Variants in KAT6A observed in about 807,000 individuals in gnomAD.
The protein encoded by KAT6A is lysine acetyltransferase 6A, also known as histone acetyltransferase KAT6A.
A neutral mutation model predicts 198.4 loss-of-function variants in KAT6A; 9 were observed. The observed-to-expected ratio is 0.05, with a 90% CI of 0.03 to 0.08. The LOEUF is 0.08. Among genes scored for constraint, KAT6A ranks in the 10% least tolerant of loss-of-function variants. KAT6A has a pLI of 1.00. For missense variants in KAT6A, 2,077 were observed against 2,509.9 expected (o/e 0.83, Z 3.69); for synonymous variants, 890 against 883.0 (o/e 1.01, Z -0.14).
At chr8:42,051,445 G>A (rs1802636337) in intron 1 of KAT6A, among the ~76,000 whole-genome samples, 1 of 149,638 alleles carries the variant, frequency 6.7e-6, no homozygotes, top group East Asian at 2.0e-4. Flanking sequence ...CGAGCGCGGG[G>A]AGAAGCGGCC....
At chr8:41,957,057 G>A in intron 8 of KAT6A, 1 of 594,344 alleles carries the variant, frequency 1.7e-6, no homozygotes, top group South Asian at 1.4e-5. Context: ...ACCTGCTGCG[G>A]CACTGTCTGT....
chr8:41,955,796 A>G (rs1564020855), intron 8 of KAT6A, among the ~76,000 whole-genome samples: 1 of 152,232 alleles, frequency 6.6e-6, no homozygotes, highest in Non-Finnish European at 1.5e-5. Context: ...TATTTGCTGA[A>G]GTCCTACCAC....
chr8:42,051,843 G>A (rs1217476379), intron 1 of KAT6A, 58 bp downstream of exon 1: 1 of 148,688 alleles, frequency 6.7e-6, no homozygotes, highest in African/African-American at 2.4e-5. Context: ...GCCCTGGAGC[G>A]GCTCGGCCTC....
At position 41,941,032 on chromosome 8, in the gene KAT6A, T is replaced by C. The variant is rs925928897; in HGVS notation, c.2849A>G (p.Gln950Arg). The change falls in exon 15 of 17, where the codon CAG becomes CGG. Residue 950 changes from glutamine to arginine, a missense_variant. By Grantham distance (43) the Gln-to-Arg change is conservative (BLOSUM62 1). Coordinates refer to ENST00000265713, the MANE Select transcript of KAT6A (RefSeq NM_006766.5). ...LSEGVEPWRG[Q>R]LKKSPEALKC... ...CAGAGCCTCAGGGCTTTTCTTGAGC[T>C]GTCCTCGCCAGGGCTCAACCCCCTC... 2 of 1,614,196 alleles carry C rather than the reference T, an allele frequency of 1.2e-6. No individual in the cohort carries two copies. Among genetic ancestry groups the C allele is most frequent in the Admixed American group, 3.3e-5 (2 of 60,028 alleles).
intron 2 of KAT6A, among the ~76,000 whole-genome samples, chr8:42,013,070 GTTT>G (rs75768574): frequency 1.4e-5 from 2 of 139,910 alleles, no homozygotes. Flanking sequence ...CAAAAGTCAA[GTTT>G]TTTTTTTTTT....
intron 13 of KAT6A, 29 bp from the exon 14 acceptor site, chr8:41,943,029 C>T: frequency 1.9e-6 from 3 of 1,612,566 alleles, no homozygotes; most frequent in Non-Finnish European, 2.5e-6. Flanking sequence ...TTATAGCAAT[C>T]AACAATGTAC....
chr8:41,949,281 C>A lies in KAT6A; in HGVS notation c.1681G>T (p.Gly561Cys). The stretch of plus-strand genomic sequence containing the variant: ...TCATTGGCAGGAGGATGGAACCAAC[C>A]ACATTTCTTCATGTGCTGCTGCAGA... Reference protein sequence around the residue: ...TILQQHMKKCGWFHPPANEIY... With the variant: ...TILQQHMKKCCWFHPPANEIY... The change falls in exon 10 of 17, where the codon GGT becomes TGT. Residue 561 changes from glycine (G) to cysteine (C), a missense_variant. Gly to Cys is a radical substitution (Grantham distance 159). Around this residue, in one of 13 missense-constraint regions of KAT6A, gnomAD observed 46 missense variants for 88.2 expected, o/e 0.52. Coordinates refer to ENST00000265713, the MANE Select transcript of KAT6A (RefSeq NM_006766.5). The A allele has an allele frequency of 1.3e-6, 2 of 1,573,552 alleles. No individual in the cohort carries two copies. The highest frequency in any genetic ancestry group is 1.7e-6 in the Non-Finnish European group (2 of 1,161,172).
intron 2 of KAT6A, among the ~76,000 whole-genome samples, chr8:41,990,021 A>G (rs1318789641): frequency 6.6e-6 from 1 of 152,148 alleles, no homozygotes; most frequent in African/African-American, 2.4e-5. Flanking sequence ...GTAAGTCAGG[A>G]AAGACTTTAT....
At chr8:41,946,539 C>A in intron 12 of KAT6A, 52 bp downstream of exon 12, 1 of 876,868 alleles carries the variant, frequency 1.1e-6, no homozygotes, top group Non-Finnish European at 1.9e-6. Context: ...CACACACACA[C>A]ACAGAGAAGG....
intron 2 of KAT6A, among the ~76,000 whole-genome samples, chr8:42,006,585 G>A (rs1011515049): frequency 2.6e-5 from 4 of 152,164 alleles, no homozygotes; most frequent in African/African-American, 9.7e-5. Flanking sequence ...CATTTCCTTT[G>A]AGAGTCATGT....
At chr8:42,006,500 T>C (rs1194896607) in intron 2 of KAT6A, among the ~76,000 whole-genome samples, 2 of 152,192 alleles carry the variant, frequency 1.3e-5, no homozygotes, top group African/African-American at 4.8e-5. Context: ...TTTTTGGATT[T>C]TGGAATATTT....
rs147199444 is a variant in KAT6A at position 41,952,438 on chromosome 8, A to C, written c.1598+2858T>G. On this transcript the variant is annotated intron_variant, in intron 9 of 16. Transcript: ENST00000265713. ...TATGTCATGCTCTTAATGGCAGAGT[A>C]GGTTTCGCAATGAACCTACTGATAA... Among the ~76,000 whole-genome samples the C allele has an allele frequency of 6.5e-3, 993 of 152,328 alleles. 6 individuals carry two copies. Among genetic ancestry groups the C allele is most frequent in the Non-Finnish European group, 0.011 (742 of 68,024 alleles).
In KAT6A at chr8:41,987,543, G is replaced by A; in HGVS notation, c.621C>T (p.Pro207=). 1 of 1,612,430 alleles carries A rather than the reference G, an allele frequency of 6.2e-7. No individual in the cohort carries two copies. Among genetic ancestry groups the A allele is most frequent in the African/African-American group, 1.3e-5 (1 of 74,968 alleles). Residue 207 remains proline, a synonymous_variant, in exon 3 of 17, where the codon CCC becomes CCT. Coordinates refer to ENST00000265713, the MANE Select transcript of KAT6A (RefSeq NM_006766.5). Reference sequence around the variant, plus strand: ...TTGTACCAAGACAGAAACTACAGATGGGGATTGGTTCAGCAACCGGCTGTG... The same window carrying A: ...TTGTACCAAGACAGAAACTACAGATAGGGATTGGTTCAGCAACCGGCTGTG... The part of the protein sequence containing the change: ...EKDKPVAEPI[P]ICSFCLGTKE...
At chr8:42,029,937 G>A (rs1182420140) in intron 2 of KAT6A, among the ~76,000 whole-genome samples, 1 of 151,920 alleles carries the variant, frequency 6.6e-6, no homozygotes, top group East Asian at 1.9e-4. Context: ...TGTTTCTCAG[G>A]CATTTTTCTT....
At position 42,047,884 on chromosome 8, in the gene KAT6A, G is replaced by A. The variant is rs539091364; in HGVS notation, c.600+494C>T. 1.5e-3 allele frequency among the ~76,000 whole-genome samples: 233 copies of A among 152,194 alleles called. 1 individual carries two copies. Among genetic ancestry groups the A allele is most frequent in the Admixed American group, 3.9e-3 (59 of 15,282 alleles). On this transcript the variant is annotated intron_variant, in intron 2 of 16. Transcript: ENST00000265713. Reference sequence around the variant, plus strand: ...TTGCTTAGTTGCGCCTATGGGTCATGAGAATCTGTCTCATTTCTGTCTAAC... The same window carrying A: ...TTGCTTAGTTGCGCCTATGGGTCATAAGAATCTGTCTCATTTCTGTCTAAC...
chr8:41,932,623 G>A lies in KAT6A; in HGVS notation c.5597C>T (p.Ser1866Phe). 2 of 1,614,090 alleles carry A rather than the reference G, an allele frequency of 1.2e-6. No individual in the cohort carries two copies. Among genetic ancestry groups the A allele is most frequent in the Non-Finnish European group, 1.7e-6 (2 of 1,179,904 alleles). ...SIRSKSAPLP[S>F]AAAHQQQLYG... is the part of the protein sequence containing the mutation. ...CAGCTGCTGCTGGTGAGCAGCCGCA[G>A]AGGGCAGTGGCGCAGACTTGGAGCG... Residue 1866 changes from serine to phenylalanine, a missense_variant, in exon 17 of 17, where the codon TCT becomes TTT. This residue lies in a region of KAT6A where 500 missense variants were observed against 577.2 expected (regional missense o/e 0.87). Transcript: ENST00000265713.
At chr8:41,937,855 G>C (rs930999425) in intron 15 of KAT6A, among the ~76,000 whole-genome samples, 3 of 152,160 alleles carry the variant, frequency 2.0e-5, no homozygotes, top group Non-Finnish European at 4.4e-5. Context: ...TAGCACCCTA[G>C]AGAGTTGCCC....
At chr8:42,006,771 G>A (rs770595432) in intron 2 of KAT6A, among the ~76,000 whole-genome samples, 7 of 152,076 alleles carry the variant, frequency 4.6e-5, no homozygotes, top group Non-Finnish European at 7.4e-5. Context: ...CGAGGTGGGC[G>A]GATCACCTGA....
chr8:41,958,673 G>A (rs1324278100), intron 8 of KAT6A, among the ~76,000 whole-genome samples: 1 of 152,170 alleles, frequency 6.6e-6, no homozygotes, highest in Non-Finnish European at 1.5e-5. Flanking sequence ...TATGTGTATA[G>A]TACATGCATG....
Sources: allele counts gnomAD v4.1 joint callset (sites outside exome capture counted in the v4.1 genomes callset), GRCh38; gene constraint gnomAD v4.1.1; regional missense constraint gnomAD v4.1.1; transcripts MANE v1.5; gene names NCBI Gene and HGNC (gene_info 2026-07-23, HGNC 2026-07-21).